Variants in VTI1A observed in about 807,000 individuals in gnomAD.
VTI1A encodes vesicle transport through interaction with t-SNAREs homolog 1A.
A neutral mutation model predicts 34.9 loss-of-function variants in VTI1A; 22 were observed. That is an observed-to-expected ratio of 0.63 (90% CI 0.45 to 0.90). The LOEUF is 0.90. Among genes scored for constraint, VTI1A ranks in the 40% least tolerant of loss-of-function variants. The pLI is 0.00. For synonymous variants in VTI1A, 87 were observed against 97.3 expected (o/e 0.89, Z 0.62); for missense variants, 268 against 275.6 (o/e 0.97, Z 0.20).
At chr10:112,487,726 T>A (rs1391273348) in intron 3 of VTI1A, among the ~76,000 whole-genome samples, 1 of 152,188 alleles carries the variant, frequency 6.6e-6, no homozygotes, top group Non-Finnish European at 1.5e-5. Context: ...TACTCCAACT[T>A]AGTCTTTCTG....
chr10:112,782,697 A>G (rs1329426461), intron 7 of VTI1A, among the ~76,000 whole-genome samples: 2 of 151,976 alleles, frequency 1.3e-5, no homozygotes, highest in Non-Finnish European at 2.9e-5. Context: ...AGCATTCTTC[A>G]TCTCTGCCCT....
intron 3 of VTI1A, among the ~76,000 whole-genome samples, chr10:112,484,367 G>A (rs954302425): frequency 6.6e-6 from 1 of 152,158 alleles, no homozygotes; most frequent in Non-Finnish European, 1.5e-5. Context: ...TCTATATCTA[G>A]TTTAGGACAA....
intron 2 of VTI1A, among the ~76,000 whole-genome samples, chr10:112,464,121 T>C (rs191361065): frequency 0.01 from 1,567 of 152,158 alleles, 19 homozygotes; most frequent in African/African-American, 0.036. Flanking sequence ...GCCTCAGCCT[T>C]CTGAGTAGCT....
intron 5 of VTI1A, among the ~76,000 whole-genome samples, chr10:112,617,204 A>G (rs1477922165): frequency 2.0e-5 from 3 of 152,232 alleles, no homozygotes; most frequent in African/African-American, 7.2e-5. Flanking sequence ...CATCTCAACA[A>G]GAATTGAAGC....
intron 7 of VTI1A, among the ~76,000 whole-genome samples, chr10:112,744,191 AAATC>A (rs1850801729): frequency 6.6e-6 from 1 of 152,208 alleles, no homozygotes; most frequent in South Asian, 2.1e-4. Flanking sequence ...GAAAAAAACT[AAATC>A]AAGCTCACAT....
At chr10:112,565,150 A>G (rs554619749) in intron 5 of VTI1A, among the ~76,000 whole-genome samples, 1 of 152,248 alleles carries the variant, frequency 6.6e-6, no homozygotes, top group South Asian at 2.1e-4. Flanking sequence ...TATCACTTGT[A>G]CCATAAAACA....
At chr10:112,519,970 A>G (rs933143369) in intron 3 of VTI1A, among the ~76,000 whole-genome samples, 1 of 152,118 alleles carries the variant, frequency 6.6e-6, no homozygotes, top group African/African-American at 2.4e-5. Flanking sequence ...ATACACTTAT[A>G]TACTTTGTTG....
At chr10:112,737,511 G>A (rs775895838) in intron 7 of VTI1A, 72 of 1,050,646 alleles carry the variant, frequency 6.9e-5, no homozygotes, top group Non-Finnish European at 8.3e-5. Context: ...GGATGCCTTA[G>A]ACGGGGTGTG....
intron 5 of VTI1A, among the ~76,000 whole-genome samples, chr10:112,667,176 G>A (rs140009681): frequency 8.0e-4 from 121 of 152,196 alleles, no homozygotes; most frequent in African/African-American, 2.3e-3. Context: ...TATAATAGAT[G>A]CTTGTTTGAA....
chr10:112,481,047 T>A, intron 3 of VTI1A, among the ~76,000 whole-genome samples: 1 of 152,176 alleles, frequency 6.6e-6, no homozygotes, highest in East Asian at 1.9e-4. Context: ...ATTGAAAGGT[T>A]ACTTGTGCTG....
chr10:112,756,064 A>G (rs1307240953), intron 7 of VTI1A, among the ~76,000 whole-genome samples: 1 of 152,156 alleles, frequency 6.6e-6, no homozygotes, highest in Non-Finnish European at 1.5e-5. Flanking sequence ...ACAGCGAGAA[A>G]AAGAGAGAGG....
At chr10:112,749,441 G>A (rs1284823093) in intron 7 of VTI1A, among the ~76,000 whole-genome samples, 5 of 152,226 alleles carry the variant, frequency 3.3e-5, no homozygotes, top group Non-Finnish European at 7.3e-5. Flanking sequence ...TCTGAATTCA[G>A]ATCATCCCAA....
At chr10:112,833,904 C>G in the VTI1A span, among the ~76,000 whole-genome samples, 3 of 152,280 alleles carry the variant, frequency 2.0e-5, no homozygotes, top group Middle Eastern at 3.4e-3. Flanking sequence ...TTCTATCCCT[C>G]CAAAGGGCTT....
At chr10:112,537,844 G>A (rs1244791778) in intron 4 of VTI1A, among the ~76,000 whole-genome samples, 1 of 152,124 alleles carries the variant, frequency 6.6e-6, no homozygotes, top group Admixed American at 6.5e-5. Context: ...AATCAAAGGA[G>A]CAAATGGATC....
chr10:112,693,933 G>A (rs963765877), intron 7 of VTI1A, among the ~76,000 whole-genome samples: 3 of 152,184 alleles, frequency 2.0e-5, no homozygotes, highest in African/African-American at 7.2e-5. Flanking sequence ...TTAATGCGAG[G>A]CTCGGTGGCT....
intron 7 of VTI1A, among the ~76,000 whole-genome samples, chr10:112,676,293 A>G (rs111280259): frequency 0.02 from 3,002 of 151,990 alleles, 90 homozygotes; most frequent in African/African-American, 0.068. Flanking sequence ...TCACTCAGCA[A>G]TACTTCTTGC....
chr10:112,747,417 G>A (rs1161781741), intron 7 of VTI1A, among the ~76,000 whole-genome samples: 1 of 152,160 alleles, frequency 6.6e-6, no homozygotes, highest in Admixed American at 6.5e-5. Flanking sequence ...TAGTGCCTAG[G>A]CTACACTCAT....
chr10:112,462,344 T>C (rs1431361615), intron 2 of VTI1A, among the ~76,000 whole-genome samples: 1 of 152,254 alleles, frequency 6.6e-6, no homozygotes, highest in Non-Finnish European at 1.5e-5. Context: ...ATTAGCCTCA[T>C]TCTTGGTTTC....
chr10:112,551,059 C>A lies in VTI1A; in HGVS notation c.427+12729C>A, dbSNP rs1589892618. 2.6e-5 allele frequency among the ~76,000 whole-genome samples: 4 copies of A among 152,132 alleles called. No homozygotes were observed. The Middle Eastern group carries it at 0.01, about 388-fold the overall frequency. ...GAGATGGAGACCATCCTGGCGAACA[C>A]TGTGAAACCCCGTCTCTACTAAAAA... On this transcript the variant is annotated intron_variant, in intron 5 of 7. Transcript: ENST00000393077.
Sources: gnomAD v4.1 joint callset for allele counts (sites outside exome capture counted in the v4.1 genomes callset) on GRCh38, gnomAD v4.1.1 for gene constraint, MANE v1.5 for transcripts, NCBI Gene and HGNC (gene_info 2026-07-23, HGNC 2026-07-21) for gene names.